The following UNC5D variants were observed in gnomAD, a reference collection of about 807,000 sequenced individuals.
The protein encoded by UNC5D is netrin receptor UNC5D.
UNC5D carries 39 observed loss-of-function variants against 105.4 expected under a neutral mutation model. The observed-to-expected ratio is 0.37, with a 90% CI of 0.29 to 0.48. The LOEUF (loss-of-function observed/expected upper bound fraction) is 0.48. Among genes scored for constraint, UNC5D ranks in the 20% least tolerant of loss-of-function variants. The probability of loss-of-function intolerance (pLI) is 0.98; values close to 1 mark genes in which losing one functional copy is unlikely to be tolerated. For missense variants in UNC5D, 991 were observed against 1,202.4 expected, an observed-to-expected ratio of 0.82 and a Z score of 2.60; for synonymous variants, 452 against 450.4, an observed-to-expected ratio of 1.00 and a Z score of -0.04.
intron 1 of UNC5D, among the ~76,000 whole-genome samples, chr8:35,501,201 A>C (rs1373402542): frequency 1.3e-5 from 2 of 152,226 alleles, no homozygotes; most frequent in Admixed American, 1.3e-4. Context: ...CATTCGAAAT[A>C]ATGCCATCTA....
rs1585854847 is a variant in UNC5D at position 35,442,918 on chromosome 8, A to T, written c.104-106374A>T. Reference sequence around the variant, plus strand: ...CTCTCTCTCTCTCACACACACACACACACACACACACACACACAACACACA... The same window carrying T: ...CTCTCTCTCTCTCACACACACACACTCACACACACACACACACAACACACA... On this transcript the variant is annotated intron_variant, in intron 1 of 16. Coordinates refer to ENST00000404895, the MANE Select transcript of UNC5D (RefSeq NM_080872.4). 2.7e-5 allele frequency among the ~76,000 whole-genome samples: 4 copies of T among 150,930 alleles called. No individual in the cohort carries two copies. In the East Asian group the frequency reaches 7.9e-4, roughly 30 times the overall value.
chr8:35,475,862 C>T (rs1010937745), intron 1 of UNC5D, among the ~76,000 whole-genome samples: 1 of 152,158 alleles, frequency 6.6e-6, no homozygotes, highest in Non-Finnish European at 1.5e-5. Context: ...AGAGTAGAAT[C>T]ATTTTTTTTC....
At chr8:35,464,824 A>AT (rs550958041) in intron 1 of UNC5D, among the ~76,000 whole-genome samples, 12 of 152,032 alleles carry the variant, frequency 7.9e-5, no homozygotes, top group Non-Finnish European at 2.9e-5. Flanking sequence ...ACAGCATAAC[A>AT]TTTTTTTCAC....
At chr8:35,397,149 G>A (rs747155510) in intron 1 of UNC5D, among the ~76,000 whole-genome samples, 34 of 152,020 alleles carry the variant, frequency 2.2e-4, no homozygotes, top group Non-Finnish European at 5.0e-4. Context: ...CAGGTGATGT[G>A]CCAGCCTTGG....
At chr8:35,430,342 A>T (rs1261966185) in intron 1 of UNC5D, among the ~76,000 whole-genome samples, 1 of 152,080 alleles carries the variant, frequency 6.6e-6, no homozygotes, top group Non-Finnish European at 1.5e-5. Flanking sequence ...AGGGCATGGA[A>T]ACTCCACACC....
intron 1 of UNC5D, among the ~76,000 whole-genome samples, chr8:35,432,754 A>G (rs1210146372): frequency 1.3e-5 from 2 of 152,150 alleles, no homozygotes; most frequent in Non-Finnish European, 2.9e-5. Flanking sequence ...TCATCTTTGC[A>G]TGAGAATAAA....
chr8:35,439,879 C>T (rs771906284), intron 1 of UNC5D, among the ~76,000 whole-genome samples: 6 of 151,628 alleles, frequency 4.0e-5, no homozygotes, highest in Non-Finnish European at 7.4e-5. Context: ...CCTGACTCCA[C>T]TGTTAGTCAA....
At chr8:35,272,727 C>T (rs1049277096) in intron 1 of UNC5D, among the ~76,000 whole-genome samples, 3 of 152,130 alleles carry the variant, frequency 2.0e-5, no homozygotes, top group South Asian at 2.1e-4. Context: ...CAAAACAGTT[C>T]GCCACTTCTA....
chr8:35,505,219 C>T (rs985634609), intron 1 of UNC5D, among the ~76,000 whole-genome samples: 9 of 152,180 alleles, frequency 5.9e-5, no homozygotes, highest in African/African-American at 2.2e-4. Flanking sequence ...GACCTGTTTT[C>T]TAAATTTTGT....
chr8:35,529,499 T>C (rs1309759259), intron 1 of UNC5D, among the ~76,000 whole-genome samples: 1 of 143,350 alleles, frequency 7.0e-6, no homozygotes, highest in Non-Finnish European at 1.5e-5. Context: ...TCCAGCTTTG[T>C]TCTTTTGGCT....
intron 1 of UNC5D, among the ~76,000 whole-genome samples, chr8:35,482,793 C>CTCTT (rs1810565143): frequency 1.5e-4 from 12 of 78,136 alleles, no homozygotes; most frequent in Non-Finnish European, 2.8e-4. Flanking sequence ...TTAAAGAGAT[C>CTCTT]TTTTTTTTTT....
At chr8:35,727,529 T>C (rs1395175438) in intron 10 of UNC5D, 1 of 152,216 alleles carries the variant, frequency 6.6e-6, no homozygotes, top group Non-Finnish European at 1.5e-5. Context: ...ACCCCTCTAG[T>C]AGCTTAGAGA....
Position 35,235,888 on chromosome 8 carries a change from G to A in UNC5D, c.103+1G>A. On this transcript the variant is annotated splice_donor_variant, in intron 1 of 16. Transcript: ENST00000404895. LOFTEE classifies it high-confidence loss of function. ...GCGGCAGGGACCGCGGCTGCCCGAGGTAAGCGCTGGGCGGAGCGGGCAGCT... is the reference window on the plus strand; with the variant it reads ...GCGGCAGGGACCGCGGCTGCCCGAGATAAGCGCTGGGCGGAGCGGGCAGCT... The A allele has an allele frequency of 8.2e-7, 1 of 1,223,910 alleles. No homozygotes were observed. The highest frequency in any genetic ancestry group is 1.0e-6 in the Non-Finnish European group (1 of 984,670). 75.8% of individuals were successfully genotyped at this position (1,223,910 alleles called of 1,614,324 possible). A position where few individuals can be genotyped will look rare whatever the true frequency, so the allele number is the denominator to read the frequency against.
At chr8:35,558,006 C>T (rs1242615570) in intron 2 of UNC5D, among the ~76,000 whole-genome samples, 1 of 151,498 alleles carries the variant, frequency 6.6e-6, no homozygotes, top group African/African-American at 2.4e-5. Context: ...GTGGTGGGCA[C>T]CTATAATCCC....
intron 1 of UNC5D, among the ~76,000 whole-genome samples, chr8:35,392,990 T>TA (rs140223808): frequency 0.049 from 7,483 of 152,210 alleles, 211 homozygotes; most frequent in African/African-American, 0.073. Flanking sequence ...TTGTTCTTTT[T>TA]AAAAAATCTT....
chr8:35,381,926 T>A (rs111580825), intron 1 of UNC5D, among the ~76,000 whole-genome samples: 1 of 152,208 alleles, frequency 6.6e-6, no homozygotes, highest in African/African-American at 2.4e-5. Context: ...TCATATTAAA[T>A]CTTCATTAAC....
chr8:35,623,292 C>T (rs995228225), intron 4 of UNC5D, among the ~76,000 whole-genome samples: 1 of 152,074 alleles, frequency 6.6e-6, no homozygotes, highest in Admixed American at 6.6e-5. Flanking sequence ...TTTGTTTGTT[C>T]CCCTTATTAC....
chr8:35,510,022 G>A (rs558247297), intron 1 of UNC5D, among the ~76,000 whole-genome samples: 2 of 152,136 alleles, frequency 1.3e-5, no homozygotes, highest in Non-Finnish European at 2.9e-5. Flanking sequence ...CTCTTTGGGT[G>A]CACCATCATT....
chr8:35,485,404 G>A (rs1170531536), intron 1 of UNC5D, among the ~76,000 whole-genome samples: 1 of 152,132 alleles, frequency 6.6e-6, no homozygotes, highest in Non-Finnish European at 1.5e-5. Context: ...CAGAATGTTA[G>A]GAAGAATCCT....
Sources: allele counts gnomAD v4.1 joint callset (sites outside exome capture counted in the v4.1 genomes callset), GRCh38; gene constraint gnomAD v4.1.1; transcripts MANE v1.5; gene names NCBI Gene and HGNC (gene_info 2026-07-23, HGNC 2026-07-21).